Variants in NSD2 observed in about 807,000 individuals in gnomAD.
The protein encoded by NSD2 is nuclear receptor binding SET domain protein 2.
In NSD2, 12 loss-of-function variants were observed where a neutral mutation model predicts 139.0. The observed-to-expected ratio is 0.09, with a 90% confidence interval of 0.06 to 0.14. The LOEUF is 0.14. Ranked by LOEUF, NSD2 falls within the 10% of genes least tolerant of loss-of-function variation. The pLI is 1.00. For missense variants in NSD2, 1,155 were observed against 1,745.0 expected, an observed-to-expected ratio of 0.66 and a Z score of 6.02; for synonymous variants, 669 against 648.7, an observed-to-expected ratio of 1.03 and a Z score of -0.48.
chr4:1,890,433 G>A (rs1184040857), intron 1 of NSD2, among the ~76,000 whole-genome samples: 6 of 150,292 alleles, frequency 4.0e-5, no homozygotes, highest in Admixed American at 2.0e-4. Context: ...CGAGTAGCTG[G>A]GACTACAGGC....
At chr4:1,971,667 G>A (rs780940924) in intron 18 of NSD2, among the ~76,000 whole-genome samples, 8 of 152,180 alleles carry the variant, frequency 5.3e-5, no homozygotes, top group Non-Finnish European at 8.8e-5. Flanking sequence ...GGGAGGAGGG[G>A]ACCTGGGACC....
intron 5 of NSD2, among the ~76,000 whole-genome samples, chr4:1,921,958 G>A (rs1720200771): frequency 6.6e-6 from 1 of 152,074 alleles, no homozygotes; most frequent in South Asian, 2.1e-4. Flanking sequence ...GACCAGCCTG[G>A]CCAACATGGT....
chr4:1,918,796 A>G (rs1719747811), intron 5 of NSD2, 173 bp downstream of exon 5: 1 of 899,048 alleles, frequency 1.1e-6, no homozygotes, highest in Non-Finnish European at 1.6e-6. Flanking sequence ...CTTGAGGGAA[A>G]AGATACTCGA....
At position 1,978,948 on chromosome 4, in the gene NSD2, G is replaced by A; in HGVS notation, c.*39G>A. ...CTTGGCCGGATCCAGGGGCGGTGCA[G>A]GGCGGCCGGCCCTGCCTGCGGGAGA... On this transcript the variant is annotated 3_prime_UTR_variant, in exon 22 of 22. Transcript: ENST00000508803. 1 of 1,454,816 alleles carries A rather than the reference G, an allele frequency of 6.9e-7. No homozygotes were observed. 90.1% of individuals were successfully genotyped at this position (1,454,816 alleles called of 1,614,324 possible). A position where few individuals can be genotyped will look rare whatever the true frequency, so the allele number is the denominator to read the frequency against.
chr4:1,938,657 C>T, intron 8 of NSD2, 125 bp downstream of exon 8: 1 of 665,732 alleles, frequency 1.5e-6, no homozygotes, highest in Non-Finnish European at 2.4e-6. Flanking sequence ...GGGAGGAATC[C>T]ACAATTAAGC....
intron 5 of NSD2, among the ~76,000 whole-genome samples, chr4:1,925,785 TG>T: frequency 6.6e-6 from 1 of 151,454 alleles, no homozygotes; most frequent in African/African-American, 2.4e-5. Context: ...TTTTTTTGTT[TG>T]TTTGTTTGTT....
chr4:1,971,495 A>G (rs1324446266), intron 18 of NSD2, among the ~76,000 whole-genome samples: 2 of 152,172 alleles, frequency 1.3e-5, no homozygotes, highest in Non-Finnish European at 2.9e-5. Flanking sequence ...GACAGAATAC[A>G]CTGGAGGAAG....
chr4:1,937,138 G>A lies in NSD2; in HGVS notation c.1675-1313G>A, dbSNP rs143614523. On this transcript the variant is annotated intron_variant, in intron 7 of 21. Transcript: ENST00000508803. ...GCAATCTTCACTCACTGCAACCTCCGCCTCCTCGATTCAAGTGATTCTCCT... is the reference window on the plus strand; with the variant it reads ...GCAATCTTCACTCACTGCAACCTCCACCTCCTCGATTCAAGTGATTCTCCT... 3.2e-3 allele frequency among the ~76,000 whole-genome samples: 484 copies of A among 151,844 alleles called. 2 individuals carry two copies. The highest frequency in any genetic ancestry group is 6.8e-3 in the Middle Eastern group (2 of 294).
chr4:1,932,858 C>T (rs1165666579), intron 6 of NSD2, among the ~76,000 whole-genome samples: 1 of 152,180 alleles, frequency 6.6e-6, no homozygotes, highest in East Asian at 1.9e-4. Context: ...GGTGCTGTGT[C>T]GAGGATGTGC....
At chr4:1,876,031 T>C (rs556887898) in intron 1 of NSD2, among the ~76,000 whole-genome samples, 1 of 151,306 alleles carries the variant, frequency 6.6e-6, no homozygotes, top group East Asian at 2.0e-4. Flanking sequence ...CTGGCTAACA[T>C]GGTGAAACCC....
At position 1,918,141 on chromosome 4, in the gene NSD2, C is replaced by G; in HGVS notation, c.928C>G (p.Leu310Val). Residue 310 changes from leucine to valine, a missense_variant and splice_region_variant, in exon 5 of 22, where the codon CTA (leucine) becomes GTA (valine). Leu to Val is a conservative substitution (Grantham distance 32, BLOSUM62 1). Coordinates refer to ENST00000508803, the MANE Select transcript of NSD2 (RefSeq NM_001042424.3). Reference sequence around the variant, plus strand: ...ACAGTGTCTCTTTTTTTTTTCCCAGCTATTGAAACCAATTTCAGGGAAATT... The same window carrying G: ...ACAGTGTCTCTTTTTTTTTTCCCAGGTATTGAAACCAATTTCAGGGAAATT... ...QAPTKAEKIK[L>V]LKPISGKLRA... 6.3e-7 allele frequency: 1 copy of G among 1,588,410 alleles called. No homozygotes were observed. The highest frequency in any genetic ancestry group is 8.5e-7 in the Non-Finnish European group (1 of 1,171,458).
intron 6 of NSD2, among the ~76,000 whole-genome samples, chr4:1,932,063 G>T (rs965934885): frequency 6.6e-6 from 1 of 152,156 alleles, no homozygotes; most frequent in Non-Finnish European, 1.5e-5. Context: ...CTTTAATCCT[G>T]ACTTTCAGGT....
Position 1,955,830 on chromosome 4 carries a change from G to C in NSD2, c.2656G>C (p.Val886Leu). 6.2e-7 allele frequency: 1 copy of C among 1,614,092 alleles called. No individual in the cohort carries two copies. Residue 886 changes from valine to leucine, a missense_variant, in exon 14 of 22, where the codon GTG (valine) becomes CTG (leucine). By Grantham distance (32) the Val-to-Leu change is conservative. Around this residue, in one of 8 missense-constraint regions of NSD2, gnomAD observed 139 missense variants for 485.8 expected, o/e 0.29. Transcript: ENST00000508803. The surrounding 1 kb of genome is among the most constrained non-coding windows in gnomAD (Gnocchi z 4.7). The stretch of plus-strand genomic sequence containing the variant: ...GCTGCACTTCCAGGATATCATTTGG[G>C]TGAAACTTGGGAACTACAGGTGTGA... ...KKLHFQDIIW[V>L]KLGNYRWWPA... is the part of the protein sequence containing the mutation.
intron 9 of NSD2, chr4:1,944,944 T>A: frequency 9.4e-7 from 1 of 1,063,842 alleles, no homozygotes; most frequent in Non-Finnish European, 1.1e-6. Context: ...TAAGAGAATG[T>A]TTCTTAAAAC....
Position 1,980,222 on chromosome 4 carries a change from CAG to C in NSD2, c.*1316_*1317del. On this transcript the variant is annotated 3_prime_UTR_variant, in exon 22 of 22. Transcript: ENST00000508803. ...TTAGTTTTTAAAAGGTCCAGTTCTA[CAG>C]AGTGAGACCTATCTATCTGAGTACT... is the stretch of plus-strand genomic sequence containing the variant. 8.6e-6 allele frequency: 2 copies of C among 233,268 alleles called. No homozygotes were observed. The highest frequency in any genetic ancestry group is 1.7e-5 in the Non-Finnish European group (2 of 118,024). 14.4% of individuals were successfully genotyped at this position (233,268 alleles called of 1,614,324 possible).
Position 1,981,815 on chromosome 4 carries a change from A to G in NSD2, c.*2906A>G. The G allele has an allele frequency of 2.5e-6, 1 of 398,596 alleles. No homozygotes were observed. Among genetic ancestry groups the G allele is most frequent in the Non-Finnish European group, 4.4e-6 (1 of 226,064 alleles). The allele number at this position is 398,596 out of a possible 1,614,324, so 24.7% of individuals were successfully genotyped here. A position where few individuals can be genotyped will look rare whatever the true frequency, so the allele number is the denominator to read the frequency against. On this transcript the variant is annotated 3_prime_UTR_variant, in exon 22 of 22. Coordinates refer to ENST00000508803, the MANE Select transcript of NSD2 (RefSeq NM_001042424.3). ...TAATGCAAATGACTGTCAGTTGCCA[A>G]ATATCTTGATCCTATGAGTGTAGTT... is the stretch of plus-strand genomic sequence containing the variant.
In NSD2 at chr4:1,961,158, C is replaced by T. The variant is rs906540663; in HGVS notation, c.3372+7C>T. On this transcript the variant is annotated splice_region_variant and intron_variant, in intron 18 of 21. Coordinates refer to ENST00000508803, the MANE Select transcript of NSD2 (RefSeq NM_001042424.3). ...CATGCTCACTATAGACAAGGTAATGCGGAACTCCACTGTGAGCTTCTGCAG... is the reference window on the plus strand; with the variant it reads ...CATGCTCACTATAGACAAGGTAATGTGGAACTCCACTGTGAGCTTCTGCAG... The T allele has an allele frequency of 1.6e-5, 26 of 1,593,768 alleles. No homozygotes were observed. The highest frequency in any genetic ancestry group is 1.7e-4 in the Middle Eastern group (1 of 6,022).
At chr4:1,874,560 C>T (rs1427505659) in intron 1 of NSD2, among the ~76,000 whole-genome samples, 4 of 151,972 alleles carry the variant, frequency 2.6e-5, no homozygotes, top group South Asian at 2.1e-4. Context: ...ATTTTAATGC[C>T]GATATCTGGC....
chr4:1,948,809 C>T lies in NSD2; in HGVS notation c.1882-2263C>T. 9.7e-7 allele frequency: 1 copy of T among 1,031,764 alleles called. No homozygotes were observed. Among genetic ancestry groups the T allele is most frequent in the Non-Finnish European group, 1.2e-6 (1 of 857,036 alleles). The allele number at this position is 1,031,764 out of a possible 1,614,324, so 63.9% of individuals were successfully genotyped here. ...TAAATCTGAAATAAAAGGTGCTGTT[C>T]CTTCCTCTGACCCAGGACTGCTTTG... On this transcript the variant is annotated intron_variant, in intron 9 of 21. Coordinates refer to ENST00000508803, the MANE Select transcript of NSD2 (RefSeq NM_001042424.3). The surrounding 1 kb of genome is among the most constrained non-coding windows in gnomAD (Gnocchi z 4.5).
Sources: gnomAD v4.1 joint callset for allele counts (sites outside exome capture counted in the v4.1 genomes callset) on GRCh38, gnomAD v4.1.1 for gene constraint, gnomAD v4.1.1 regional missense constraint, Gnocchi (gnomAD v3.1) non-coding constraint, MANE v1.5 for transcripts, NCBI Gene and HGNC (gene_info 2026-07-23, HGNC 2026-07-21) for gene names.